TENM4: variants seen among roughly 807,000 people sequenced by gnomAD.
The protein encoded by TENM4 is teneurin transmembrane protein 4.
A neutral mutation model predicts 243.3 loss-of-function variants in TENM4; 82 were observed. That is an observed-to-expected ratio of 0.34 (90% CI 0.28 to 0.40). The LOEUF (loss-of-function observed/expected upper bound fraction) is 0.40, where lower values mean the gene tolerates loss of function less well. Among genes scored for constraint, TENM4 ranks in the 10% least tolerant of loss-of-function variants. The probability of loss-of-function intolerance (pLI) is 1.00; values close to 1 mark genes in which losing one functional copy is unlikely to be tolerated. For missense variants in TENM4, 3,138 were observed against 3,673.3 expected, an observed-to-expected ratio of 0.85 and a Z score of 3.77; for synonymous variants, 1,412 against 1,456.3, an observed-to-expected ratio of 0.97 and a Z score of 0.69.
intron 9 of TENM4, among the ~76,000 whole-genome samples, chr11:78,866,696 G>C (rs368399975): frequency 2.0e-5 from 3 of 152,312 alleles, no homozygotes; most frequent in South Asian, 4.1e-4. Flanking sequence ...CTGGCCAATA[G>C]TCTCCGTGGC....
chr11:78,771,670 A>G (rs1464059451), intron 17 of TENM4, among the ~76,000 whole-genome samples: 1 of 151,984 alleles, frequency 6.6e-6, no homozygotes, highest in Non-Finnish European at 1.5e-5. Flanking sequence ...TAGGCTTTTC[A>G]TTTATTTTGT....
intron 6 of TENM4, among the ~76,000 whole-genome samples, chr11:78,924,173 C>G (rs1565128150): frequency 6.6e-6 from 1 of 152,196 alleles, no homozygotes; most frequent in Non-Finnish European, 1.5e-5. Flanking sequence ...GTTTTTAATA[C>G]TGAGCAATGG....
In TENM4 at chr11:78,889,870, G is replaced by A. The variant is rs1195796917; in HGVS notation, c.999C>T (p.Pro333=). The change falls in exon 9 of 34, where the codon CCC becomes CCT. Residue 333 remains proline (P), a synonymous_variant. Transcript: ENST00000278550. ...CGCACTTCCAGTTACAGTACTTGGA[G>A]GGCTTCTTGAGGTTAAAGGCCGGCC... The part of the protein sequence containing the change: ...FARPAFNLKK[P]SKYCNWKCAA... The A allele has an allele frequency of 1.9e-6, 3 of 1,551,748 alleles. No individual in the cohort carries two copies. The highest frequency in any genetic ancestry group is 3.9e-5 in the Admixed American group (2 of 50,990).
intron 2 of TENM4, among the ~76,000 whole-genome samples, chr11:79,247,277 C>A (rs150349976): frequency 0.013 from 1,968 of 151,962 alleles, 68 homozygotes; most frequent in East Asian, 0.12. Flanking sequence ...ATTAGCCGGG[C>A]ATGGTGGCAA....
chr11:79,152,601 C>T (rs12292631), intron 3 of TENM4, among the ~76,000 whole-genome samples: 1 of 152,190 alleles, frequency 6.6e-6, no homozygotes, highest in Non-Finnish European at 1.5e-5. Context: ...TTTAAAAGCT[C>T]GAATGAACAC....
chr11:78,762,169 C>G (rs1856443605), intron 18 of TENM4, among the ~76,000 whole-genome samples: 1 of 152,190 alleles, frequency 6.6e-6, no homozygotes, highest in Non-Finnish European at 1.5e-5. Context: ...ATCAAACTTA[C>G]TTCATAGAGT....
chr11:78,865,267 C>A lies in TENM4; in HGVS notation c.1085-2135G>T, dbSNP rs193131263. Among the ~76,000 whole-genome samples the A allele has an allele frequency of 5.3e-5, 8 of 152,206 alleles. No individual in the cohort carries two copies. In the East Asian group the frequency reaches 1.5e-3, roughly 29 times the overall value. Reference sequence around the variant, plus strand: ...CATTTTACAGATGGAGAAACTAAGGCACAACAAGACTAATTAACACACGCA... The same window carrying A: ...CATTTTACAGATGGAGAAACTAAGGAACAACAAGACTAATTAACACACGCA... On this transcript the variant is annotated intron_variant, in intron 9 of 33. Transcript: ENST00000278550.
At chr11:79,362,789 C>A (rs1446057978) in intron 1 of TENM4, among the ~76,000 whole-genome samples, 1 of 152,228 alleles carries the variant, frequency 6.6e-6, no homozygotes, top group Non-Finnish European at 1.5e-5. Flanking sequence ...GCATGATAGT[C>A]TACCATGGGA....
At chr11:79,117,047 C>T (rs1383125812) in intron 4 of TENM4, among the ~76,000 whole-genome samples, 1 of 152,164 alleles carries the variant, frequency 6.6e-6, no homozygotes, top group African/African-American at 2.4e-5. Flanking sequence ...TCATTATTAT[C>T]ATTTTTATTC....
At chr11:79,332,945 C>T (rs1857085533) in intron 1 of TENM4, among the ~76,000 whole-genome samples, 1 of 152,096 alleles carries the variant, frequency 6.6e-6, no homozygotes, top group East Asian at 1.9e-4. Context: ...TGGAGGTATA[C>T]CCAATTCCCC....
At chr11:78,794,168 T>C (rs1337675240) in intron 15 of TENM4, among the ~76,000 whole-genome samples, 1 of 152,206 alleles carries the variant, frequency 6.6e-6, no homozygotes, top group Non-Finnish European at 1.5e-5. Context: ...CTATTTCATG[T>C]TTATGTGCTG....
intron 2 of TENM4, among the ~76,000 whole-genome samples, chr11:79,253,791 A>G (rs1380408564): frequency 2.0e-5 from 3 of 152,234 alleles, no homozygotes; most frequent in Non-Finnish European, 2.9e-5. Context: ...ATAAACTGAA[A>G]TAAAATCGAT....
intron 3 of TENM4, among the ~76,000 whole-genome samples, chr11:79,164,180 T>C (rs1200282276): frequency 1.6e-5 from 2 of 124,406 alleles, no homozygotes; most frequent in Non-Finnish European, 3.2e-5. Flanking sequence ...TGGCATACTA[T>C]AGTGTATATA....
intron 6 of TENM4, among the ~76,000 whole-genome samples, chr11:79,040,120 T>C (rs1356105549): frequency 1.3e-5 from 2 of 152,196 alleles, no homozygotes; most frequent in East Asian, 3.9e-4. Context: ...TTCCCTTTTT[T>C]CTCCCTCCTA....
chr11:78,706,334 G>C (rs57445488), intron 27 of TENM4, among the ~76,000 whole-genome samples: 1 of 152,128 alleles, frequency 6.6e-6, no homozygotes, highest in Non-Finnish European at 1.5e-5. Context: ...TCTCTCTTTA[G>C]TTTCTTTTTG....
At chr11:79,148,334 C>A (rs1297970810) in intron 4 of TENM4, among the ~76,000 whole-genome samples, 3 of 152,102 alleles carry the variant, frequency 2.0e-5, no homozygotes, top group Non-Finnish European at 4.4e-5. Flanking sequence ...TATGGGAGAG[C>A]TCTACAAAAA....
chr11:78,877,262 C>T (rs545995720), intron 9 of TENM4, among the ~76,000 whole-genome samples: 2 of 152,238 alleles, frequency 1.3e-5, no homozygotes, highest in African/African-American at 2.4e-5. Flanking sequence ...CTGCTCCCTT[C>T]TTCCTTCCAC....
At chr11:79,394,495 A>C (rs1858300910) in intron 1 of TENM4, among the ~76,000 whole-genome samples, 2 of 152,212 alleles carry the variant, frequency 1.3e-5, no homozygotes, top group South Asian at 4.1e-4. Context: ...AGCTACCCTT[A>C]GGGTTAGTGT....
At chr11:78,738,282 G>A (rs1855844960) in intron 20 of TENM4, among the ~76,000 whole-genome samples, 169 bp downstream of exon 20, 1 of 152,224 alleles carries the variant, frequency 6.6e-6, no homozygotes, top group Non-Finnish European at 1.5e-5. Flanking sequence ...ATAGGCCAGA[G>A]TTAGGTACAA....
Sources: gnomAD v4.1 joint callset for allele counts (sites outside exome capture counted in the v4.1 genomes callset) on GRCh38, gnomAD v4.1.1 for gene constraint, MANE v1.5 for transcripts, NCBI Gene and HGNC (gene_info 2026-07-23, HGNC 2026-07-21) for gene names.